The following THEMIS variants were observed in gnomAD, a reference collection of about 807,000 sequenced individuals.
THEMIS encodes the protein protein THEMIS.
Under a neutral mutation model 52.6 loss-of-function variants are expected in THEMIS, and 37 were observed. That is an observed-to-expected ratio of 0.70 (90% CI 0.54 to 0.93). The LOEUF is 0.93. Among genes scored for constraint, THEMIS ranks in the 40% least tolerant of loss-of-function variants. THEMIS has a pLI of 0.00. For missense variants in THEMIS, 808 were observed against 763.1 expected (o/e 1.06, Z -0.69); for synonymous variants, 292 against 272.7 (o/e 1.07, Z -0.70).
At chr6:127,830,545 G>A (rs1023599702) in intron 2 of THEMIS, among the ~76,000 whole-genome samples, 1 of 151,858 alleles carries the variant, frequency 6.6e-6, no homozygotes, top group South Asian at 2.1e-4. Flanking sequence ...AATTAGCTGG[G>A]TATATTGGCG....
intron 4 of THEMIS, among the ~76,000 whole-genome samples, chr6:127,748,952 G>C (rs910363866): frequency 2.6e-5 from 4 of 152,022 alleles, no homozygotes; most frequent in African/African-American, 9.7e-5. Flanking sequence ...AACTTTTATT[G>C]ATATTAGATT....
At chr6:127,831,434 A>G (rs573641934) in intron 2 of THEMIS, among the ~76,000 whole-genome samples, 14 of 152,274 alleles carry the variant, frequency 9.2e-5, no homozygotes, top group African/African-American at 3.4e-4. Flanking sequence ...ATTATATACT[A>G]GCATGCTCTA....
intron 3 of THEMIS, among the ~76,000 whole-genome samples, chr6:127,822,374 T>C (rs1778369111): frequency 6.6e-6 from 1 of 152,088 alleles, no homozygotes; most frequent in Non-Finnish European, 1.5e-5. Context: ...ATTTCTATTT[T>C]CTTACCTGGT....
At chr6:127,802,334 A>G (rs1166601036) in intron 4 of THEMIS, among the ~76,000 whole-genome samples, 1 of 152,192 alleles carries the variant, frequency 6.6e-6, no homozygotes, top group African/African-American at 2.4e-5. Context: ...GCTTTTCTGT[A>G]TGTCAGATCT....
chr6:127,905,015 T>A (rs1346031307), upstream of THEMIS, among the ~76,000 whole-genome samples: 4 of 152,130 alleles, frequency 2.6e-5, no homozygotes, highest in South Asian at 6.2e-4. Flanking sequence ...TCAGCCATAG[T>A]GGAAAGATCT....
intron 4 of THEMIS, among the ~76,000 whole-genome samples, chr6:127,734,585 T>C (rs916202962): frequency 6.6e-6 from 1 of 151,938 alleles, no homozygotes; most frequent in Non-Finnish European, 1.5e-5. Flanking sequence ...GCATAAAAAA[T>C]GGAGGCCGAG....
chr6:127,770,516 G>C (rs1442751370), intron 4 of THEMIS, among the ~76,000 whole-genome samples: 1 of 152,062 alleles, frequency 6.6e-6, no homozygotes, highest in Non-Finnish European at 1.5e-5. Context: ...TGTAGATTCT[G>C]GATATTAGCC....
At chr6:127,755,573 C>T (rs1775794062) in intron 4 of THEMIS, among the ~76,000 whole-genome samples, 1 of 152,078 alleles carries the variant, frequency 6.6e-6, no homozygotes, top group Admixed American at 6.5e-5. Flanking sequence ...ACATTTTGCA[C>T]AATTAAAGTA....
At chr6:127,752,742 A>T (rs1322392051) in intron 4 of THEMIS, among the ~76,000 whole-genome samples, 1 of 151,846 alleles carries the variant, frequency 6.6e-6, no homozygotes, top group African/African-American at 2.4e-5. Context: ...AATTTTACCA[A>T]ACATTTAAAG....
intron 4 of THEMIS, among the ~76,000 whole-genome samples, chr6:127,778,992 T>C (rs12193548): frequency 0.04 from 6,161 of 152,210 alleles, 146 homozygotes; most frequent in Middle Eastern, 0.061. Context: ...ATGTGTTATA[T>C]CTGCAGGATG....
At chr6:127,907,263 G>C (rs895556666) in intron 1 of THEMIS, among the ~76,000 whole-genome samples, 10 of 145,764 alleles carry the variant, frequency 6.9e-5, no homozygotes, top group African/African-American at 2.3e-4. Flanking sequence ...TCATTGAAAG[G>C]TTTACAGCAT....
intron 4 of THEMIS, among the ~76,000 whole-genome samples, chr6:127,781,598 A>G (rs1256601417): frequency 2.0e-5 from 3 of 151,972 alleles, no homozygotes; most frequent in Admixed American, 6.6e-5. Context: ...CTTTTTCTTG[A>G]TGCTGATGCT....
At chr6:127,867,323 A>C (rs772978920) in intron 1 of THEMIS, among the ~76,000 whole-genome samples, 1 of 152,078 alleles carries the variant, frequency 6.6e-6, no homozygotes, top group Non-Finnish European at 1.5e-5. Flanking sequence ...CAGTTGCTTA[A>C]ACAACAAAAG....
intron 4 of THEMIS, among the ~76,000 whole-genome samples, chr6:127,790,586 A>T (rs1777122516): frequency 2.6e-5 from 4 of 152,128 alleles, no homozygotes. Context: ...TTCTCATAGG[A>T]TCCTTCAGGT....
intron 1 of THEMIS, among the ~76,000 whole-genome samples, chr6:127,886,387 G>A (rs188884373): frequency 3.9e-5 from 6 of 152,252 alleles, no homozygotes; most frequent in Non-Finnish European, 5.9e-5. Context: ...TAATTCCATG[G>A]ACTTGGAGTA....
chr6:127,762,973 A>G (rs1263376972), intron 4 of THEMIS, among the ~76,000 whole-genome samples: 1 of 151,966 alleles, frequency 6.6e-6, no homozygotes, highest in Non-Finnish European at 1.5e-5. Context: ...AAAGATAGAT[A>G]ATTGGAGACC....
At chr6:127,842,089 T>TA (rs1259802699) in intron 2 of THEMIS, among the ~76,000 whole-genome samples, 2 of 151,966 alleles carry the variant, frequency 1.3e-5, no homozygotes, top group Non-Finnish European at 2.9e-5. Context: ...CAAAAGTCCC[T>TA]AAAAAACAGA....
intron 1 of THEMIS, among the ~76,000 whole-genome samples, chr6:127,863,411 C>G (rs967697797): frequency 6.6e-6 from 1 of 152,156 alleles, no homozygotes; most frequent in Non-Finnish European, 1.5e-5. Context: ...TTGAGCAGCT[C>G]TTACTGTTAA....
At chr6:127,762,716 C>A (rs1055169970) in intron 4 of THEMIS, among the ~76,000 whole-genome samples, 8 of 152,076 alleles carry the variant, frequency 5.3e-5, no homozygotes, top group African/African-American at 1.9e-4. Flanking sequence ...TTCCTCTACT[C>A]AATCTAAACA....
Sources: allele counts gnomAD v4.1 joint callset (sites outside exome capture counted in the v4.1 genomes callset), GRCh38; gene constraint gnomAD v4.1.1; transcripts MANE v1.5; gene names NCBI Gene and HGNC (gene_info 2026-07-23, HGNC 2026-07-21).